The following ADAMTS3 variants were observed in gnomAD, a reference collection of about 807,000 sequenced individuals.
The protein encoded by ADAMTS3 is A disintegrin and metalloproteinase with thrombospondin motifs 3.
ADAMTS3 carries 73 observed loss-of-function variants against 129.0 expected under a neutral mutation model. The ratio of observed to expected loss-of-function variants is 0.57; its 90% CI spans 0.47 to 0.69. The LOEUF is 0.69. Among genes scored for constraint, ADAMTS3 ranks in the 30% least tolerant of loss-of-function variants. The probability of loss-of-function intolerance (pLI) is 0.00; values close to 1 mark genes in which losing one functional copy is unlikely to be tolerated. For missense variants in ADAMTS3, 1,457 were observed against 1,514.5 expected (o/e 0.96, Z 0.63); for synonymous variants, 477 against 510.8 (o/e 0.93, Z 0.89).
At chr4:72,534,899 A>G (rs1721148549) in intron 3 of ADAMTS3, among the ~76,000 whole-genome samples, 1 of 152,222 alleles carries the variant, frequency 6.6e-6, no homozygotes, top group Non-Finnish European at 1.5e-5. Flanking sequence ...CTAGAAAAAT[A>G]TGGCTCACAG....
At chr4:72,513,925 A>G (rs936601012) in intron 3 of ADAMTS3, among the ~76,000 whole-genome samples, 8 of 152,154 alleles carry the variant, frequency 5.3e-5, no homozygotes, top group Admixed American at 1.3e-4. Flanking sequence ...ATAAGCGAGA[A>G]TATGCAGTAT....
At chr4:72,344,323 C>T (rs1720216819) in intron 4 of ADAMTS3, among the ~76,000 whole-genome samples, 1 of 152,046 alleles carries the variant, frequency 6.6e-6, no homozygotes, top group African/African-American at 2.4e-5. Flanking sequence ...AAATTGCTCC[C>T]TACCCCAGAA....
chr4:72,551,640 C>T (rs1578789838), intron 2 of ADAMTS3, among the ~76,000 whole-genome samples: 1 of 152,276 alleles, frequency 6.6e-6, no homozygotes, highest in East Asian at 1.9e-4. Flanking sequence ...AAGCTCCAAG[C>T]TCTATGATTT....
chr4:72,381,177 T>C (rs1198427513), intron 4 of ADAMTS3, among the ~76,000 whole-genome samples: 7 of 151,992 alleles, frequency 4.6e-5, no homozygotes, highest in African/African-American at 9.6e-5. Context: ...TATATGGAGA[T>C]TGTGACAAAT....
intron 4 of ADAMTS3, among the ~76,000 whole-genome samples, chr4:72,386,999 T>C (rs1271122621): frequency 1.3e-5 from 2 of 152,252 alleles, no homozygotes; most frequent in African/African-American, 4.8e-5. Flanking sequence ...TTTCAATAGC[T>C]AAGACTATCC....
chr4:72,394,000 CTT>C (rs1186328352), intron 4 of ADAMTS3, among the ~76,000 whole-genome samples: 9 of 152,216 alleles, frequency 5.9e-5, no homozygotes, highest in Admixed American at 5.9e-4. Flanking sequence ...CCAGCTCACT[CTT>C]TTCTTTTTCC....
intron 3 of ADAMTS3, among the ~76,000 whole-genome samples, chr4:72,513,503 C>T (rs1720370928): frequency 6.6e-6 from 1 of 152,108 alleles, no homozygotes. Flanking sequence ...ACGGATTAAC[C>T]TTCTTGAGTA....
In ADAMTS3 at chr4:72,334,345, A is replaced by G. The variant is rs150547014; in HGVS notation, c.861+5149T>C. Among the ~76,000 whole-genome samples, 18 of 152,268 alleles carry G rather than the reference A, an allele frequency of 1.2e-4. No individual in the cohort carries two copies. The East Asian group carries it at 2.9e-3, about 25-fold the overall frequency. On this transcript the variant is annotated intron_variant, in intron 5 of 21. Coordinates refer to ENST00000286657, the MANE Select transcript of ADAMTS3 (RefSeq NM_014243.3). Reference sequence around the variant, plus strand: ...CACCATATACCTGGCATATAGCATTAAAATACTTATTAAAAGACTGAATCG... The same window carrying G: ...CACCATATACCTGGCATATAGCATTGAAATACTTATTAAAAGACTGAATCG...
intron 3 of ADAMTS3, among the ~76,000 whole-genome samples, chr4:72,540,713 G>A (rs1344055565): frequency 6.6e-6 from 1 of 152,172 alleles, no homozygotes; most frequent in Non-Finnish European, 1.5e-5. Flanking sequence ...TGACTAAAAG[G>A]GGCCAAGCAT....
At chr4:72,482,206 CA>C (rs1304792658) in intron 3 of ADAMTS3, among the ~76,000 whole-genome samples, 1 of 151,970 alleles carries the variant, frequency 6.6e-6, no homozygotes, top group Non-Finnish European at 1.5e-5. Flanking sequence ...AACCTGTACA[CA>C]AAGTTTATAG....
chr4:72,438,909 T>C (rs1718039551), intron 3 of ADAMTS3, among the ~76,000 whole-genome samples: 1 of 151,746 alleles, frequency 6.6e-6, no homozygotes, highest in South Asian at 2.1e-4. Flanking sequence ...ATCCACTAAC[T>C]ATTACTGTGC....
chr4:72,296,300 G>C (rs576979364), intron 18 of ADAMTS3, among the ~76,000 whole-genome samples: 1 of 151,936 alleles, frequency 6.6e-6, no homozygotes, highest in Non-Finnish European at 1.5e-5. Context: ...GAAAAACTGC[G>C]GTTTCTTCAT....
At chr4:72,499,994 T>C (rs1328784788) in intron 3 of ADAMTS3, among the ~76,000 whole-genome samples, 1 of 152,224 alleles carries the variant, frequency 6.6e-6, no homozygotes, top group African/African-American at 2.4e-5. Context: ...CAATGGTGTA[T>C]ATGTACCACA....
At chr4:72,443,373 T>C (rs921426543) in intron 3 of ADAMTS3, among the ~76,000 whole-genome samples, 1 of 151,758 alleles carries the variant, frequency 6.6e-6, no homozygotes, top group East Asian at 2.0e-4. Context: ...AGGAGTTGTA[T>C]ATACTGTTTA....
At chr4:72,505,674 G>GTAT (rs1240687010) in intron 3 of ADAMTS3, among the ~76,000 whole-genome samples, 3 of 152,222 alleles carry the variant, frequency 2.0e-5, no homozygotes, top group Non-Finnish European at 4.4e-5. Context: ...AGTACCCAGA[G>GTAT]GTATAGGTAG....
At chr4:72,518,260 T>C (rs1720551650) in intron 3 of ADAMTS3, among the ~76,000 whole-genome samples, 1 of 152,186 alleles carries the variant, frequency 6.6e-6, no homozygotes, top group Non-Finnish European at 1.5e-5. Context: ...CTTCCAAGTA[T>C]GTGGTCAATT....
intron 3 of ADAMTS3, among the ~76,000 whole-genome samples, chr4:72,449,352 G>A (rs1718335758): frequency 6.6e-6 from 1 of 151,638 alleles, no homozygotes; most frequent in South Asian, 2.1e-4. Flanking sequence ...GATGCCCACT[G>A]CTCCCCTAGT....
intron 3 of ADAMTS3, among the ~76,000 whole-genome samples, chr4:72,530,931 T>C (rs1484974795): frequency 6.8e-6 from 1 of 146,238 alleles, no homozygotes; most frequent in East Asian, 2.0e-4. Context: ...ACAATGTTTA[T>C]TGCAAACACT....
intron 4 of ADAMTS3, among the ~76,000 whole-genome samples, chr4:72,376,869 A>G (rs1354888042): frequency 1.3e-5 from 2 of 152,158 alleles, no homozygotes; most frequent in East Asian, 1.9e-4. Context: ...CGCCTTGCCT[A>G]TATTTTCTGA....
Sources: gnomAD v4.1 joint callset for allele counts (sites outside exome capture counted in the v4.1 genomes callset) on GRCh38, gnomAD v4.1.1 for gene constraint, MANE v1.5 for transcripts, NCBI Gene and HGNC (gene_info 2026-07-23, HGNC 2026-07-21) for gene names.